The following BUD31 variants were observed in gnomAD, a reference collection of about 807,000 sequenced individuals.
BUD31 encodes the protein BUD31 spliceosome associated protein.
In BUD31, 9 loss-of-function variants were observed where a neutral mutation model predicts 17.9. That is an observed-to-expected ratio of 0.50 (90% CI 0.30 to 0.88). The LOEUF is 0.88. Ranked by LOEUF, BUD31 falls within the 40% of genes least tolerant of loss-of-function variation. The pLI is 0.06. For missense variants in BUD31, 148 were observed against 184.5 expected, an observed-to-expected ratio of 0.80 and a Z score of 1.15; for synonymous variants, 70 against 64.7, an observed-to-expected ratio of 1.08 and a Z score of -0.39.
intron 3 of BUD31, chr7:99,411,640 T>G (rs1276841565): frequency 1.3e-5 from 6 of 452,886 alleles, no homozygotes; most frequent in Non-Finnish European, 1.8e-5. Flanking sequence ...TTTGGAAATT[T>G]TATCTGAAGC....
chr7:99,410,817 A>G (rs537644518), intron 2 of BUD31, among the ~76,000 whole-genome samples: 2 of 152,326 alleles, frequency 1.3e-5, no homozygotes, highest in East Asian at 3.9e-4. Flanking sequence ...CAATGACCAC[A>G]TAAGGTAGCT....
chr7:99,410,977 C>T, intron 2 of BUD31, 87 bp from the exon 3 acceptor site: 2 of 823,534 alleles, frequency 2.4e-6, no homozygotes, highest in Admixed American at 2.1e-5. Flanking sequence ...TATGCTGACT[C>T]AAGGAAGTCA....
At chr7:99,416,402 T>C in intron 4 of BUD31, 142 bp downstream of exon 4, 1 of 1,079,468 alleles carries the variant, frequency 9.3e-7, no homozygotes, top group Non-Finnish European at 1.3e-6. Flanking sequence ...GTTGGCTGAG[T>C]TTTGTGTGTG....
intron 3 of BUD31, among the ~76,000 whole-genome samples, chr7:99,412,675 G>A (rs1361045843): frequency 2.7e-5 from 4 of 150,646 alleles, no homozygotes; most frequent in Non-Finnish European, 4.4e-5. Flanking sequence ...GCAGTGGCGC[G>A]ATCTCCGCTC....
intron 3 of BUD31, chr7:99,411,781 T>G (rs1344703079): frequency 6.7e-6 from 3 of 448,772 alleles, no homozygotes; most frequent in African/African-American, 2.0e-5. Flanking sequence ...CTCGGCTCAC[T>G]GCAACCTCTG....
Position 99,417,410 on chromosome 7 carries a change from T to A in BUD31, c.218-19T>A, listed in dbSNP as rs191886523. Reference sequence around the variant, plus strand: ...TTTTTAGACCATGGCCTGATGCTCTTTCCCCATCTTTTTGACAGAACTCTA... The same window carrying A: ...TTTTTAGACCATGGCCTGATGCTCTATCCCCATCTTTTTGACAGAACTCTA... On this transcript the variant is annotated intron_variant, in intron 4 of 5. Transcript: ENST00000222969. 1.3e-4 allele frequency: 209 copies of A among 1,612,872 alleles called. No individual in the cohort carries two copies. In the Middle Eastern group the frequency reaches 2.0e-3, roughly 15 times the overall value.
chr7:99,419,081 T>C (rs1795672594), intron 5 of BUD31: 1 of 417,370 alleles, frequency 2.4e-6, no homozygotes, highest in Non-Finnish European at 4.5e-6. Flanking sequence ...GCAGGGTCTG[T>C]CATGCTCACT....
At chr7:99,411,945 A>G (rs984051566) in intron 3 of BUD31, 13 of 308,674 alleles carry the variant, frequency 4.2e-5, no homozygotes, top group South Asian at 1.0e-4. Flanking sequence ...GCCTCAAGTG[A>G]TCCACCCACC....
chr7:99,415,479 T>G (rs1472759897), intron 3 of BUD31, among the ~76,000 whole-genome samples: 1 of 152,026 alleles, frequency 6.6e-6, no homozygotes, highest in Non-Finnish European at 1.5e-5. Context: ...AAGCACAGCA[T>G]CACAGGGAGA....
In BUD31 at chr7:99,411,178, T is replaced by C. The variant is rs1239602430; in HGVS notation, c.86T>C (p.Met29Thr). The C allele has an allele frequency of 1.2e-6, 2 of 1,613,202 alleles. No individual in the cohort carries two copies. Among genetic ancestry groups the C allele is most frequent in the Admixed American group, 3.3e-5 (2 of 59,954 alleles). The stretch of plus-strand genomic sequence containing the variant: ...ACACTGGATGAATTAGATCAAAAGA[T>C]GAGAGAAGGTGAGTAGGGGAGTTCC... Reference protein sequence around the residue: ...EPTLDELDQKMREAETEPHEG... With the variant: ...EPTLDELDQKTREAETEPHEG... Residue 29 changes from methionine to threonine, a missense_variant, in exon 3 of 6, where the codon ATG becomes ACG. Coordinates refer to ENST00000222969, the MANE Select transcript of BUD31 (RefSeq NM_003910.4).
In BUD31 at chr7:99,413,897, C is replaced by A. The variant is rs559790397; in HGVS notation, c.95-2241C>A. Among the ~76,000 whole-genome samples, 6 of 152,252 alleles carry A rather than the reference C, an allele frequency of 3.9e-5. 1 individual carries two copies. In the East Asian group the frequency reaches 7.7e-4, roughly 20 times the overall value. On this transcript the variant is annotated intron_variant, in intron 3 of 5. Transcript: ENST00000222969. ...GTGAGCCACTGTGCCCAGCCGGGAC[C>A]AACCTTTTAACAGAAGTTACCATTA... is the stretch of plus-strand genomic sequence containing the variant.
In BUD31 at chr7:99,419,036, G is replaced by A. The variant is rs1427380501; in HGVS notation, c.385-355G>A. 2.5e-5 allele frequency: 7 copies of A among 284,186 alleles called. No individual in the cohort carries two copies. In the Admixed American group the frequency reaches 3.4e-4, roughly 14 times the overall value. 17.6% of individuals were successfully genotyped at this position (284,186 alleles called of 1,614,324 possible). A position where few individuals can be genotyped will look rare whatever the true frequency, so the allele number is the denominator to read the frequency against. On this transcript the variant is annotated intron_variant, in intron 5 of 5. Transcript: ENST00000222969. ...GTACCAGCCCAGAGGCCCCCCTGAA[G>A]TCCCCAAACAGTAGCAGAGCCACGT...
chr7:99,412,211 G>A (rs548315113), intron 3 of BUD31, among the ~76,000 whole-genome samples: 16 of 152,288 alleles, frequency 1.1e-4, no homozygotes, highest in Middle Eastern at 6.8e-3. Context: ...TGGGCCTATT[G>A]CAGTAATCAC....
chr7:99,411,201 TC>T lies in BUD31; in HGVS notation c.94+17del, dbSNP rs1174368561. On this transcript the variant is annotated intron_variant, in intron 3 of 5. Coordinates refer to ENST00000222969, the MANE Select transcript of BUD31 (RefSeq NM_003910.4). ...GATGAGAGAAGGTGAGTAGGGGAGT[TC>T]CTGTCTGGGTGGGCTGGGTCCAAGG... The T allele has an allele frequency of 1.2e-6, 2 of 1,606,148 alleles. No homozygotes were observed. Among genetic ancestry groups the T allele is most frequent in the South Asian group, 1.1e-5 (1 of 90,754 alleles).
intron 3 of BUD31, chr7:99,411,821 C>T (rs1235443352): frequency 2.4e-6 from 1 of 418,956 alleles, no homozygotes; most frequent in African/African-American, 2.1e-5. Flanking sequence ...TTTCCTGCCT[C>T]TCAGCCTCTC....
intron 3 of BUD31, among the ~76,000 whole-genome samples, chr7:99,415,813 G>GT (rs1320499008): frequency 6.6e-6 from 1 of 152,082 alleles, no homozygotes; most frequent in Non-Finnish European, 1.5e-5. Flanking sequence ...GTATAGCCTG[G>GT]TGTTTCCTAG....
Position 99,417,476 on chromosome 7 carries a change from A to T in BUD31, c.265A>T (p.Ile89Phe), listed in dbSNP as rs1166045778. ...IKEGYADKNL[I>F]AKWKKQGYEN... ...AGAAGGCTATGCAGACAAAAACCTG[A>T]TTGCAAAATGGAAAAAGCAAGGATA... is the stretch of plus-strand genomic sequence containing the variant. The change falls in exon 5 of 6, where the codon ATT (isoleucine) becomes TTT (phenylalanine). Residue 89 changes from isoleucine (I) to phenylalanine (F), a missense_variant. Transcript: ENST00000222969. 2.5e-6 allele frequency: 4 copies of T among 1,612,162 alleles called. No homozygotes were observed. Among genetic ancestry groups the T allele is most frequent in the South Asian group, 1.1e-5 (1 of 90,816 alleles).
At chr7:99,409,672 C>T (rs1795093316) in intron 1 of BUD31, among the ~76,000 whole-genome samples, 1 of 149,072 alleles carries the variant, frequency 6.7e-6, no homozygotes, top group Admixed American at 6.9e-5. Flanking sequence ...TCAGGTTTTG[C>T]AAATTCTCAG....
intron 3 of BUD31, among the ~76,000 whole-genome samples, chr7:99,415,500 T>C (rs1204152602): frequency 1.3e-5 from 2 of 152,106 alleles, no homozygotes; most frequent in African/African-American, 4.8e-5. Flanking sequence ...TAGTTAGGCC[T>C]CTGGATAACT....
Sources: gnomAD v4.1 joint callset for allele counts (sites outside exome capture counted in the v4.1 genomes callset) on GRCh38, gnomAD v4.1.1 for gene constraint, MANE v1.5 for transcripts, NCBI Gene and HGNC (gene_info 2026-07-23, HGNC 2026-07-21) for gene names.